TMPRSS9: variants seen among roughly 807,000 people sequenced by gnomAD.
The protein encoded by TMPRSS9 is transmembrane serine protease 9, also known as transmembrane protease serine 9.
In TMPRSS9, 113 loss-of-function variants were observed where a neutral mutation model predicts 111.4. The ratio of observed to expected loss-of-function variants is 1.01; its 90% CI spans 0.87 to 1.19. TMPRSS9 has a LOEUF of 1.19. Among genes scored for constraint, TMPRSS9 ranks in the 50% most tolerant of loss-of-function variants. The pLI, the probability that TMPRSS9 is intolerant of heterozygous loss-of-function variation, is 0.00. For synonymous variants in TMPRSS9, 805 were observed against 659.1 expected (o/e 1.22, Z -3.39); for missense variants, 1,803 against 1,513.1 (o/e 1.19, Z -3.18).
At chr19:2,410,502 G>C in intron 9 of TMPRSS9, 108 bp downstream of exon 10, 8 of 1,424,038 alleles carry the variant, frequency 5.6e-6, no homozygotes, top group Non-Finnish European at 7.5e-6. Context: ...AGCCCCCAAC[G>C]CCCCAGACCC....
intron 12 of TMPRSS9, 39 bp downstream of exon 13, chr19:2,416,848 C>A: frequency 6.4e-7 from 1 of 1,568,262 alleles, no homozygotes; most frequent in Non-Finnish European, 8.6e-7. Context: ...TGGATTTATT[C>A]TCCAGGGCCT....
At position 2,405,562 on chromosome 19, in the gene TMPRSS9, A is replaced by G; in HGVS notation, c.842+17A>G. 1 of 1,518,222 alleles carries G rather than the reference A, an allele frequency of 6.6e-7. No homozygotes were observed. 94.0% of individuals were successfully genotyped at this position (1,518,222 alleles called of 1,614,324 possible). On this transcript the variant is annotated intron_variant, in intron 7 of 17. Coordinates refer to ENST00000648592, the Ensembl canonical transcript of TMPRSS9. ...CTTCAATGAGTAAGCCCCCATCCCA[A>G]AGCACCAAACCCGAACCCTCTGTAT...
At chr19:2,410,538 T>C (rs1016387560) in intron 9 of TMPRSS9, 144 bp downstream of exon 10, 22 of 1,214,468 alleles carry the variant, frequency 1.8e-5, no homozygotes, top group Non-Finnish European at 2.5e-5. Flanking sequence ...ACGAGCGTGT[T>C]CAAATGCTGG....
At chr19:2,425,940 G>A (rs1488543561) in exon 18 of TMPRSS9, 6 of 1,596,618 alleles carry the variant, frequency 3.8e-6, no homozygotes, top group East Asian at 2.3e-5. Context: ...GACGCTGGGG[G>A]ACCCCTGGCC....
rs1332527126 is a variant in TMPRSS9, at chr19:2,414,944, T to TA, written c.1574-726_1574-725insA. On this transcript the variant is annotated intron_variant, in intron 10 of 17. Transcript: ENST00000648592. The stretch of plus-strand genomic sequence containing the variant: ...AAAAACTGTTAGTTGCATTCCTATT[T>TA]TTTTTTTTTTTTTTTTCTGAGACGG... Among the ~76,000 whole-genome samples the TA allele has an allele frequency of 1.1e-3, 123 of 116,356 alleles. 1 individual carries two copies. Among genetic ancestry groups the TA allele is most frequent in the African/African-American group, 5.2e-3 (114 of 22,046 alleles). 76.3% of individuals were successfully genotyped at this position (116,356 alleles called of 152,430 possible).
At chr19:2,389,160 G>A (rs1446896763), upstream of TMPRSS9, among the ~76,000 whole-genome samples, 3 of 146,634 alleles carry the variant, frequency 2.0e-5, no homozygotes, top group Non-Finnish European at 4.5e-5. Flanking sequence ...TGCAACCTCC[G>A]CCTCCCGGGT....
intron 7 of TMPRSS9, among the ~76,000 whole-genome samples, chr19:2,407,477 A>C (rs948807552): frequency 4.6e-5 from 7 of 151,764 alleles, no homozygotes; most frequent in African/African-American, 1.7e-4. Context: ...CAGTGAGCTG[A>C]GATCACGCCA....
At chr19:2,375,859 C>G (rs1182652209) in intron 1 of TMPRSS9, among the ~76,000 whole-genome samples, 1 of 152,112 alleles carries the variant, frequency 6.6e-6, no homozygotes. Flanking sequence ...GAAACTGAGG[C>G]CTGGAGAATT....
At chr19:2,398,026 G>A (rs1278415432) in intron 2 of TMPRSS9, among the ~76,000 whole-genome samples, 1 of 147,538 alleles carries the variant, frequency 6.8e-6, no homozygotes. Context: ...TGGGAGTGCA[G>A]GCACACACCA....
chr19:2,368,843 G>A (rs902674272), intron 1 of TMPRSS9, among the ~76,000 whole-genome samples: 1 of 140,156 alleles, frequency 7.1e-6, no homozygotes, highest in African/African-American at 2.7e-5. Flanking sequence ...GGAGCACAGT[G>A]GCGCAATCTC....
intron 9 of TMPRSS9, among the ~76,000 whole-genome samples, chr19:2,412,396 G>C (rs57474549): frequency 0.13 from 20,147 of 151,990 alleles, 1,583 homozygotes; most frequent in East Asian, 0.26. Flanking sequence ...AGAGTGAGAC[G>C]CCGTCTCAAA....
At chr19:2,416,096 A>G in intron 11 of TMPRSS9, 1 of 444,596 alleles carries the variant, frequency 2.2e-6, no homozygotes, top group Non-Finnish European at 4.0e-6. Context: ...GGAGATTCCC[A>G]GGCATGGTGG....
At chr19:2,389,776 TC>T (rs764411271) in exon 1 of TMPRSS9, 2 of 1,610,470 alleles carry the variant, frequency 1.2e-6, no homozygotes, top group Non-Finnish European at 1.7e-6. Context: ...TGTCTGCGTG[TC>T]TCTGAGCCAT....
chr19:2,416,165 G>A, intron 11 of TMPRSS9: 1 of 419,266 alleles, frequency 2.4e-6, no homozygotes, highest in Non-Finnish European at 4.3e-6. Context: ...CTTGAGCCCA[G>A]GAGGTCGAGG....
exon 14 of TMPRSS9, chr19:2,421,913 G>C (rs777014512): frequency 1.2e-6 from 2 of 1,613,050 alleles, no homozygotes; most frequent in Non-Finnish European, 1.7e-6. Flanking sequence ...ATCTGGCAGG[G>C]ATCGTGAGCT....
intron 1 of TMPRSS9, among the ~76,000 whole-genome samples, chr19:2,366,428 C>T (rs554453866): frequency 6.6e-6 from 1 of 152,308 alleles, no homozygotes; most frequent in East Asian, 1.9e-4. Context: ...TTGGTTACTG[C>T]ATAACAAATG....
At chr19:2,382,641 C>A (rs958605357) in intron 1 of TMPRSS9, among the ~76,000 whole-genome samples, 1 of 150,324 alleles carries the variant, frequency 6.7e-6, no homozygotes, top group South Asian at 2.1e-4. Flanking sequence ...TACACACAGA[C>A]CACACATGCA....
chr19:2,408,507 C>T, exon 8 of TMPRSS9: 1 of 1,613,912 alleles, frequency 6.2e-7, no homozygotes, highest in African/African-American at 1.3e-5. Context: ...TGTGCTGGAG[C>T]TGACCAGCCC....
chr19:2,360,403 G>A (rs1970185401), intron 1 of TMPRSS9, among the ~76,000 whole-genome samples, 43 bp downstream of exon 1: 1 of 152,162 alleles, frequency 6.6e-6, no homozygotes, highest in Non-Finnish European at 1.5e-5. Context: ...CCTCGGAACA[G>A]CCCCCACTTC....
Sources: allele counts gnomAD v4.1 joint callset (sites outside exome capture counted in the v4.1 genomes callset), GRCh38; gene constraint gnomAD v4.1.1; transcripts MANE v1.5; gene names NCBI Gene and HGNC (gene_info 2026-07-23, HGNC 2026-07-21).